The following C21orf91 variants were observed in gnomAD, a reference collection of about 807,000 sequenced individuals.
C21orf91 encodes the protein chromosome 21 open reading frame 91, also known as protein EURL homolog.
Under a neutral mutation model 32.9 loss-of-function variants are expected in C21orf91, and 26 were observed. The observed-to-expected ratio is 0.79, with a 90% CI of 0.58 to 1.10. The LOEUF (loss-of-function observed/expected upper bound fraction) is 1.10, where lower values mean the gene tolerates loss of function less well. Among genes scored for constraint, C21orf91 ranks in the 50% least tolerant of loss-of-function variants. The probability of loss-of-function intolerance (pLI) is 0.00; values close to 1 mark genes in which losing one functional copy is unlikely to be tolerated. For missense variants in C21orf91, 310 were observed against 341.3 expected (o/e 0.91, Z 0.72); for synonymous variants, 126 against 120.4 (o/e 1.05, Z -0.31).
Position 17,789,867 on chromosome 21 carries a change from T to G in C21orf91, c.*3548A>C, listed in dbSNP as rs1438944741. Reference sequence around the variant, plus strand: ...AGAATAAACTGTTGGGGGTTTTATCTCTTACTAATTCTCACCACAAATTTC... The same window carrying G: ...AGAATAAACTGTTGGGGGTTTTATCGCTTACTAATTCTCACCACAAATTTC... On this transcript the variant is annotated 3_prime_UTR_variant, in exon 5 of 5. Coordinates refer to ENST00000284881, the MANE Select transcript of C21orf91 (RefSeq NM_001100420.2). The G allele has an allele frequency of 6.6e-6, 1 of 152,138 alleles. No homozygotes were observed. Among genetic ancestry groups the G allele is most frequent in the Non-Finnish European group, 1.5e-5 (1 of 67,970 alleles). The allele number at this position is 152,138 out of a possible 1,614,324, so 9.4% of individuals were successfully genotyped here.
chr21:17,803,241 C>T (rs1270813197), intron 2 of C21orf91, among the ~76,000 whole-genome samples: 1 of 152,128 alleles, frequency 6.6e-6, no homozygotes, highest in Non-Finnish European at 1.5e-5. Flanking sequence ...TATTTTTTGG[C>T]CAGGTGTGGT....
intron 2 of C21orf91, chr21:17,813,729 A>G (rs2062647579): frequency 6.6e-6 from 1 of 152,248 alleles, no homozygotes; most frequent in Non-Finnish European, 1.5e-5. Context: ...AAAATCTGAA[A>G]TCTGAAATGC....
chr21:17,795,240 T>G lies in C21orf91; in HGVS notation c.695A>C (p.Gln232Pro), dbSNP rs1254025765. Residue 232 changes from glutamine to proline, a missense_variant, in exon 4 of 5, where the codon CAA (glutamine) becomes CCA (proline). Physicochemically the swap from Gln to Pro is moderately conservative, Grantham distance 76. Coordinates refer to ENST00000284881, the MANE Select transcript of C21orf91 (RefSeq NM_001100420.2). ...TTGCTGTAGGAGCTTTGCATTCAGTTGCTCTACCTCACCAAGAGTCATCGA... is the reference window on the plus strand; with the variant it reads ...TTGCTGTAGGAGCTTTGCATTCAGTGGCTCTACCTCACCAAGAGTCATCGA... ...LNSMTLGEVE[Q>P]LNAKLLQQIQ... The G allele has an allele frequency of 7.4e-6, 12 of 1,611,774 alleles. No homozygotes were observed. The highest frequency in any genetic ancestry group is 1.0e-5 in the Non-Finnish European group (12 of 1,178,056).
At chr21:17,800,161 G>T (rs1465470570) in intron 2 of C21orf91, among the ~76,000 whole-genome samples, 1 of 152,052 alleles carries the variant, frequency 6.6e-6, no homozygotes, top group Non-Finnish European at 1.5e-5. Flanking sequence ...CAAGAAGATG[G>T]TTTTATGTTA....
At chr21:17,810,061 G>A (rs2062622424) in intron 2 of C21orf91, among the ~76,000 whole-genome samples, 1 of 152,094 alleles carries the variant, frequency 6.6e-6, no homozygotes, top group African/African-American at 2.4e-5. Context: ...CCTAACAGAT[G>A]GTATGACAAA....
chr21:17,809,845 C>T (rs1057421147), intron 2 of C21orf91, among the ~76,000 whole-genome samples: 8 of 152,110 alleles, frequency 5.3e-5, no homozygotes, highest in Non-Finnish European at 8.8e-5. Flanking sequence ...TCAACCACAG[C>T]GCTTTCATTT....
chr21:17,793,506 G>A lies in C21orf91; in HGVS notation c.803C>T (p.Ala268Val). The A allele has an allele frequency of 6.2e-7, 1 of 1,613,578 alleles. No homozygotes were observed. Among genetic ancestry groups the A allele is most frequent in the Non-Finnish European group, 8.5e-7 (1 of 1,179,642 alleles). ...ACAGTTCTTCAGAAGCTGTTCGATGGCAACGTGGCGGACATGGAGCTGTGA... is the reference window on the plus strand; with the variant it reads ...ACAGTTCTTCAGAAGCTGTTCGATGACAACGTGGCGGACATGGAGCTGTGA... The part of the protein sequence containing the change: ...LASQLHVRHV[A>V]IEQLLKNCSK... Residue 268 changes from alanine (A) to valine (V), a missense_variant, in exon 5 of 5, where the codon GCC (alanine) becomes GTC (valine). Coordinates refer to ENST00000284881, the MANE Select transcript of C21orf91 (RefSeq NM_001100420.2).
chr21:17,799,593 C>T (rs911646736), intron 2 of C21orf91, among the ~76,000 whole-genome samples: 3 of 152,158 alleles, frequency 2.0e-5, no homozygotes, highest in South Asian at 2.1e-4. Context: ...GCACCACTCC[C>T]ACTACAAATG....
intron 2 of C21orf91, among the ~76,000 whole-genome samples, chr21:17,810,119 A>C (rs566781815): frequency 6.6e-6 from 1 of 152,274 alleles, no homozygotes; most frequent in East Asian, 1.9e-4. Context: ...TGTGGTTAAC[A>C]TTTTGATAAC....
chr21:17,817,956 TA>T, intron 2 of C21orf91: 1 of 333,662 alleles, frequency 3.0e-6, no homozygotes, highest in East Asian at 4.7e-5. Flanking sequence ...CTTATTTCTG[TA>T]TTAGGAAAAA....
chr21:17,808,951 T>A (rs2146259105), intron 2 of C21orf91: 2 of 152,372 alleles, frequency 1.3e-5, no homozygotes, highest in South Asian at 4.1e-4. Context: ...TGATAGTGAC[T>A]TCTCACAAGA....
In C21orf91 at chr21:17,791,603, A is replaced by G. The variant is rs1296840057; in HGVS notation, c.*1812T>C. 6.6e-6 allele frequency: 1 copy of G among 152,206 alleles called. No homozygotes were observed. The highest frequency in any genetic ancestry group is 6.5e-5 in the Admixed American group (1 of 15,284). The allele number at this position is 152,206 out of a possible 1,614,324, so 9.4% of individuals were successfully genotyped here. A position where few individuals can be genotyped will look rare whatever the true frequency, so the allele number is the denominator to read the frequency against. On this transcript the variant is annotated 3_prime_UTR_variant, in exon 5 of 5. Transcript: ENST00000284881. ...TAACAATCTTACTGAATTACGCCAA[A>G]AAAGAGTAAAGTCAAATTTGAAAAT...
intron 2 of C21orf91, among the ~76,000 whole-genome samples, chr21:17,801,274 G>GTTTTTTTTT (rs904831489): frequency 6.1e-4 from 86 of 140,440 alleles, no homozygotes; most frequent in African/African-American, 2.2e-3. Context: ...AACACCGTAT[G>GTTTTTTTTT]TTTTTTTTTT....
chr21:17,813,634 T>C (rs931647266), intron 2 of C21orf91, among the ~76,000 whole-genome samples: 2 of 152,232 alleles, frequency 1.3e-5, no homozygotes, highest in Non-Finnish European at 2.9e-5. Context: ...GTCTCTTATC[T>C]GAAATACTTG....
chr21:17,792,432 GTATTCTTGAAAC>G lies in C21orf91; in HGVS notation c.*971_*982del, dbSNP rs1438792708. 4.0e-5 allele frequency: 6 copies of G among 151,808 alleles called. No individual in the cohort carries two copies. In the South Asian group the frequency reaches 8.3e-4, roughly 21 times the overall value. 9.4% of individuals were successfully genotyped at this position (151,808 alleles called of 1,614,324 possible). ...TGATAATACAATTTGGACAGTTTAA[GTATTCTTGAAAC>G]TTTACCCAAAGTGGCACACAAAATA... On this transcript the variant is annotated 3_prime_UTR_variant, in exon 5 of 5. Transcript: ENST00000284881.
chr21:17,795,193 GACAGTGATTCTT>G lies in C21orf91; in HGVS notation c.727+3_727+14del. On this transcript the variant is annotated splice_donor_5th_base_variant and intron_variant, in intron 4 of 4. Transcript: ENST00000284881. ...AATTTGTCACACACAAAAAAGTACT[GACAGTGATTCTT>G]ACCCTGGATTTGCTGTAGGAGCTTT... 1 of 1,575,794 alleles carries G rather than the reference GACAGTGATTCTT, an allele frequency of 6.3e-7. No homozygotes were observed. Among genetic ancestry groups the G allele is most frequent in the Non-Finnish European group, 8.7e-7 (1 of 1,145,638 alleles).
intron 2 of C21orf91, chr21:17,810,402 T>G (rs978322468): frequency 6.6e-6 from 1 of 152,234 alleles, no homozygotes; most frequent in Non-Finnish European, 1.5e-5. Flanking sequence ...ATTTCTAAAA[T>G]GTTCTATTGA....
At chr21:17,810,368 A>G (rs1011124225) in intron 2 of C21orf91, 3 of 152,264 alleles carry the variant, frequency 2.0e-5, no homozygotes, top group African/African-American at 2.4e-5. Context: ...ACAGAGGAAC[A>G]GTATTTCTAA....
chr21:17,797,160 T>C (rs764060216), intron 2 of C21orf91, 42 bp from the exon 3 acceptor site: 1 of 1,359,236 alleles, frequency 7.4e-7, no homozygotes, highest in Non-Finnish European at 1.0e-6. Context: ...AGAAATTTTG[T>C]TTTCTATAAG....
Sources: gnomAD v4.1 joint callset for allele counts (sites outside exome capture counted in the v4.1 genomes callset) on GRCh38, gnomAD v4.1.1 for gene constraint, MANE v1.5 for transcripts, NCBI Gene and HGNC (gene_info 2026-07-23, HGNC 2026-07-21) for gene names.